The following CFH variants were observed in gnomAD, a reference collection of about 807,000 sequenced individuals.
CFH encodes H factor 1 (complement).
CFH carries 53 observed loss-of-function variants against 147.3 expected under a neutral mutation model. That is an observed-to-expected ratio of 0.36 (90% CI 0.29 to 0.45). The LOEUF (loss-of-function observed/expected upper bound fraction) is 0.45, where lower values mean the gene tolerates loss of function less well. Among genes scored for constraint, CFH ranks in the 20% least tolerant of loss-of-function variants. CFH has a pLI of 1.00. For missense variants in CFH, 1,380 were observed against 1,498.0 expected (o/e 0.92, Z 1.30); for synonymous variants, 536 against 489.4 (o/e 1.10, Z -1.26).
At chr1:196,727,152 G>C (rs35762927) in intron 14 of CFH, among the ~76,000 whole-genome samples, 1 of 152,024 alleles carries the variant, frequency 6.6e-6, no homozygotes, top group Non-Finnish European at 1.5e-5. Flanking sequence ...ATCTTTCTGC[G>C]TCTGATAACA....
Position 196,657,513 on chromosome 1 carries a change from C to T in CFH, c.58+5338C>T, listed in dbSNP as rs567290773. On this transcript the variant is annotated intron_variant, in intron 1 of 21. Transcript: ENST00000367429. ...TTTCGTACATGCGGTTTCCAGAGAG[C>T]CAAATGTAGAATTTAAGTATGTGCA... Among the ~76,000 whole-genome samples, 97 of 152,114 alleles carry T rather than the reference C, an allele frequency of 6.4e-4. 1 individual carries two copies. The South Asian group carries it at 0.016, about 24-fold the overall frequency.
intron 15 of CFH, among the ~76,000 whole-genome samples, chr1:196,736,017 C>T (rs1348800583): frequency 6.6e-6 from 1 of 151,972 alleles, no homozygotes; most frequent in Non-Finnish European, 1.5e-5. Flanking sequence ...TTATAGAATG[C>T]TCCCAGATGC....
chr1:196,710,306 C>T (rs1234448186), intron 9 of CFH, among the ~76,000 whole-genome samples: 1 of 152,110 alleles, frequency 6.6e-6, no homozygotes, highest in Non-Finnish European at 1.5e-5. Context: ...CCTTTCTTTG[C>T]TGCAAACCCT....
chr1:196,712,914 A>G (rs1161961577), intron 9 of CFH, among the ~76,000 whole-genome samples: 1 of 151,412 alleles, frequency 6.6e-6, no homozygotes, highest in East Asian at 1.9e-4. Context: ...ATGATTTCCA[A>G]TTTCATCCAT....
intron 9 of CFH, among the ~76,000 whole-genome samples, chr1:196,702,131 T>A (rs1242334672): frequency 1.3e-5 from 2 of 152,080 alleles, no homozygotes; most frequent in Non-Finnish European, 2.9e-5. Context: ...GCTATGATGG[T>A]TCAGTTAAAG....
chr1:196,687,075 A>T (rs1329421), intron 7 of CFH, among the ~76,000 whole-genome samples: 95,610 of 151,812 alleles, frequency 0.63, 30,616 homozygotes, highest in East Asian at 0.95. Flanking sequence ...TGCTAAGCTG[A>T]ATCTAATAAG....
chr1:196,697,826 TA>T (rs1372675010), intron 9 of CFH, among the ~76,000 whole-genome samples: 1 of 151,716 alleles, frequency 6.6e-6, no homozygotes, highest in Non-Finnish European at 1.5e-5. Context: ...TATGCAGCCA[TA>T]AAAAAGAAGA....
chr1:196,741,349 G>A (rs191977951), intron 18 of CFH: 1 of 177,382 alleles, frequency 5.6e-6, no homozygotes, highest in Non-Finnish European at 1.2e-5. Context: ...CGCTGAAGGG[G>A]AAGCAGGCAC....
At chr1:196,692,134 A>G (rs947454331) in intron 9 of CFH, among the ~76,000 whole-genome samples, 2 of 151,864 alleles carry the variant, frequency 1.3e-5, no homozygotes, top group African/African-American at 4.8e-5. Context: ...AATTTTATTT[A>G]TTTATTTTAT....
intron 1 of CFH, among the ~76,000 whole-genome samples, chr1:196,654,760 T>A (rs1666627882): frequency 6.6e-6 from 1 of 152,098 alleles, no homozygotes; most frequent in Admixed American, 6.6e-5. Flanking sequence ...TCCTGGAGAT[T>A]TAGAGTGCAG....
In CFH at chr1:196,728,357, C is replaced by T. The variant is rs748853794; in HGVS notation, c.2248C>T (p.Leu750Phe). 5 of 1,514,718 alleles carry T rather than the reference C, an allele frequency of 3.3e-6. No homozygotes were observed. The South Asian group carries it at 6.2e-5, about 19-fold the overall frequency. 93.8% of individuals were successfully genotyped at this position (1,514,718 alleles called of 1,614,324 possible). Reference sequence around the variant, plus strand: ...TATTTATTTTATAGCAATAGATAAACTTAAGAAGTGCAAATCATCAAATTT... The same window carrying T: ...TATTTATTTTATAGCAATAGATAAATTTAAGAAGTGCAAATCATCAAATTT... ...QLPQCVAIDK[L>F]KKCKSSNLII... The change falls in exon 15 of 22, where the codon CTT (leucine) becomes TTT (phenylalanine). Residue 750 changes from leucine (L) to phenylalanine (F), a missense_variant. Transcript: ENST00000367429.
At chr1:196,677,796 C>A in intron 5 of CFH, 129 bp downstream of exon 5, 1 of 873,840 alleles carries the variant, frequency 1.1e-6, no homozygotes. Flanking sequence ...TTACTATCTG[C>A]CTGTAATTGA....
intron 9 of CFH, among the ~76,000 whole-genome samples, chr1:196,703,169 G>C (rs986101319): frequency 9.2e-5 from 14 of 152,194 alleles, no homozygotes; most frequent in African/African-American, 3.4e-4. Flanking sequence ...CTTGTTATCT[G>C]TGGCTCTGAC....
chr1:196,680,905 T>C (rs1667628992), intron 6 of CFH, among the ~76,000 whole-genome samples: 1 of 151,910 alleles, frequency 6.6e-6, no homozygotes, highest in Admixed American at 6.6e-5. Context: ...TTGCGTGATC[T>C]CTACTTTTAG....
At position 196,743,609 on chromosome 1, in the gene CFH, G is replaced by A. The variant is rs409953; in HGVS notation, c.3291G>A (p.Thr1097=). 152 of 1,613,674 alleles carry A rather than the reference G, an allele frequency of 9.4e-5. No homozygotes were observed. Among genetic ancestry groups the A allele is most frequent in the East Asian group, 1.1e-4 (5 of 44,854 alleles). ...TGATGTGTTTAAATGGAAACTGGACGGAACCACCTCAATGCAAAGGTAGAG... is the reference window on the plus strand; with the variant it reads ...TGATGTGTTTAAATGGAAACTGGACAGAACCACCTCAATGCAAAGGTAGAG... ...EEVMCLNGNW[T]EPPQCKDSTG... The change falls in exon 20 of 22, where the codon ACG becomes ACA. Residue 1097 remains threonine, a synonymous_variant. Coordinates refer to ENST00000367429, the MANE Select transcript of CFH (RefSeq NM_000186.4).
chr1:196,657,673 G>T (rs12746361), intron 1 of CFH, among the ~76,000 whole-genome samples: 2,460 of 152,156 alleles, frequency 0.016, 19 homozygotes, highest in Non-Finnish European at 0.025. Context: ...ACCTATTTTT[G>T]CTATTTCTGT....
chr1:196,678,696 C>G (rs1667541306), intron 5 of CFH: 1 of 151,690 alleles, frequency 6.6e-6, no homozygotes, highest in South Asian at 2.1e-4. Context: ...ACGATTAAGT[C>G]TTAAAGAAAA....
chr1:196,673,178 C>T lies in CFH; in HGVS notation c.244+15C>T, dbSNP rs757842424. 4.4e-6 allele frequency: 7 copies of T among 1,606,268 alleles called. No individual in the cohort carries two copies. Among genetic ancestry groups the T allele is most frequent in the South Asian group, 1.1e-5 (1 of 90,888 alleles). ...GAAATGTCAGAGTAAGTACTTAATA[C>T]ATTTGTGAAATTTATGAAAACTAGG... On this transcript the variant is annotated intron_variant, in intron 2 of 21. Coordinates refer to ENST00000367429, the MANE Select transcript of CFH (RefSeq NM_000186.4).
chr1:196,732,811 C>T (rs1669310145), intron 15 of CFH, among the ~76,000 whole-genome samples: 1 of 152,042 alleles, frequency 6.6e-6, no homozygotes, highest in Admixed American at 6.6e-5. Flanking sequence ...TGTGTATTTA[C>T]TTACTTCTAT....
Sources: allele counts gnomAD v4.1 joint callset (sites outside exome capture counted in the v4.1 genomes callset), GRCh38; gene constraint gnomAD v4.1.1; transcripts MANE v1.5; gene names NCBI Gene and HGNC (gene_info 2026-07-23, HGNC 2026-07-21).